The following MED16 variants were observed in gnomAD, a reference collection of about 807,000 sequenced individuals.
The protein encoded by MED16 is mediator complex subunit 16.
MED16 carries 81 observed loss-of-function variants against 84.4 expected under a neutral mutation model. The observed-to-expected ratio is 0.96, with a 90% CI of 0.80 to 1.15. The LOEUF (loss-of-function observed/expected upper bound fraction) is 1.15. Among genes scored for constraint, MED16 ranks in the 50% most tolerant of loss-of-function variants. The probability of loss-of-function intolerance (pLI) is 0.00; values close to 1 mark genes in which losing one functional copy is unlikely to be tolerated. For synonymous variants in MED16, 897 were observed against 552.2 expected, an observed-to-expected ratio of 1.62 and a Z score of -8.76; for missense variants, 1,585 against 1,245.9, an observed-to-expected ratio of 1.27 and a Z score of -4.10.
chr19:876,950 G>T, intron 9 of MED16, 24 bp downstream of exon 9: 1 of 1,511,764 alleles, frequency 6.6e-7, no homozygotes, highest in Non-Finnish European at 9.0e-7. Context: ...CTGCCACGGG[G>T]CCCCACCTGC....
At chr19:879,826 C>CCCCACGTGCCCCAGCAGCT (rs2036373279) in intron 8 of MED16, 111 bp downstream of exon 8, 1 of 990,256 alleles carries the variant, frequency 1.0e-6, no homozygotes, top group Non-Finnish European at 1.5e-6. Flanking sequence ...CCAGGGCCAG[C>CCCCACGTGCCCCAGCAGCT]CCCACGTGCC....
rs559652645 is a variant in MED16 at position 871,138 on chromosome 19, C to G, written c.2214G>C (p.Leu738=). The G allele has an allele frequency of 6.5e-7, 1 of 1,548,198 alleles. No homozygotes were observed. The highest frequency in any genetic ancestry group is 2.0e-5 in the Admixed American group (1 of 50,962). ...SLDWLPASDG[L]VSRLQPKQPL... is the part of the protein sequence containing the mutation. ...GCTGCTTGGGCTGCAGGCGGCTAAC[C>G]AGGCCGTCGCTGGCTGGCAGCCAGT... Residue 738 remains leucine, a synonymous_variant, in exon 13 of 16, where the codon CTG becomes CTC. Transcript: ENST00000325464.
At chr19:884,732 G>GGC (rs2036490506) in intron 6 of MED16, among the ~76,000 whole-genome samples, 171 bp downstream of exon 6, 1 of 152,232 alleles carries the variant, frequency 6.6e-6, no homozygotes, top group Non-Finnish European at 1.5e-5. Context: ...AATGCTGGCA[G>GGC]GCGCGCGGTC....
chr19:877,507 C>A (rs891297714), intron 8 of MED16, among the ~76,000 whole-genome samples: 1 of 152,068 alleles, frequency 6.6e-6, no homozygotes, highest in Non-Finnish European at 1.5e-5. Flanking sequence ...GCTCCTAATA[C>A]GTGCTGTGAG....
intron 11 of MED16, among the ~76,000 whole-genome samples, chr19:872,558 T>TGG (rs1412291887): frequency 1.5e-5 from 2 of 134,692 alleles, no homozygotes; most frequent in Non-Finnish European, 3.1e-5. Context: ...CCGTCCGTGA[T>TGG]GGGCGCGGTG....
At chr19:873,624 C>T (rs776990453) in intron 10 of MED16, 42 bp from the exon 11 acceptor site, 1 of 1,606,662 alleles carries the variant, frequency 6.2e-7, no homozygotes, top group Non-Finnish European at 8.5e-7. Context: ...GCCTCTTGTA[C>T]ACACAGGGTG....
intron 13 of MED16, among the ~76,000 whole-genome samples, chr19:869,198 C>T (rs55639032): frequency 0.19 from 28,170 of 151,954 alleles, 3,030 homozygotes; most frequent in Non-Finnish European, 0.25. Context: ...GGCTTAGAGA[C>T]CCAGTAAAGG....
intron 8 of MED16, among the ~76,000 whole-genome samples, chr19:879,601 G>C (rs1352745725): frequency 8.1e-6 from 1 of 122,912 alleles, no homozygotes; most frequent in Non-Finnish European, 1.6e-5. Context: ...ACCTTCCCGT[G>C]GTTGTCAATG....
At chr19:879,768 A>G (rs867763175) in intron 8 of MED16, among the ~76,000 whole-genome samples, 169 bp downstream of exon 8, 24 of 119,658 alleles carry the variant, frequency 2.0e-4, no homozygotes, top group African/African-American at 3.8e-4. Context: ...CACCAGCCCC[A>G]GCCCCACGTG....
At chr19:884,411 G>A (rs1233249512) in intron 6 of MED16, among the ~76,000 whole-genome samples, 4 of 152,220 alleles carry the variant, frequency 2.6e-5, no homozygotes, top group Admixed American at 6.5e-5. Context: ...AGAGGCTGCT[G>A]GAGAGGTGGG....
Position 877,144 on chromosome 19 carries a change from G to T in MED16, c.1390C>A (p.Pro464Thr). 6.2e-7 allele frequency: 1 copy of T among 1,612,026 alleles called. No individual in the cohort carries two copies. The highest frequency in any genetic ancestry group is 1.1e-5 in the South Asian group (1 of 90,954). The change falls in exon 9 of 16, where the codon CCG (proline) becomes ACG (threonine). Residue 464 changes from proline to threonine, a missense_variant. By Grantham distance (38) the Pro-to-Thr change is conservative. Coordinates refer to ENST00000325464, the MANE Select transcript of MED16 (RefSeq NM_005481.3). ...CGCAGCGCCAGCCCCACCTCCAGCG[G>T]GTGGCCCATGGAAGGTGAGAGGCGG... ...VLRLSPSMGH[P>T]LEVGLALRHL... is the part of the protein sequence containing the mutation.
At position 877,047 on chromosome 19, in the gene MED16, T is replaced by G. The variant is rs1405971362; in HGVS notation, c.1487A>C (p.Gln496Pro). 2 of 1,612,600 alleles carry G rather than the reference T, an allele frequency of 1.2e-6. No individual in the cohort carries two copies. The highest frequency in any genetic ancestry group is 1.7e-5 in the Admixed American group (1 of 60,014). ...YDWWDILLHV[Q>P]PSMVQSLVEK... The stretch of plus-strand genomic sequence containing the variant: ...CACCAGGCTCTGTACCATACTGGGC[T>G]GCACGTGCAGCAGGATGTCCCACCA... Residue 496 changes from glutamine to proline, a missense_variant, in exon 9 of 16, where the codon CAG becomes CCG. Coordinates refer to ENST00000325464, the MANE Select transcript of MED16 (RefSeq NM_005481.3).
In MED16 at chr19:891,172, G is replaced by A. The variant is rs758743265; in HGVS notation, c.-18-23C>T. 7.6e-6 allele frequency: 12 copies of A among 1,588,360 alleles called. No homozygotes were observed. In the Admixed American group the frequency reaches 1.4e-4, roughly 18 times the overall value. ...CTCCTGCGGGAGGGAGGTGTGGTGGGACGTCTATGTTGGCTGAGCACCCAG... is the reference window on the plus strand; with the variant it reads ...CTCCTGCGGGAGGGAGGTGTGGTGGAACGTCTATGTTGGCTGAGCACCCAG... On this transcript the variant is annotated intron_variant, in intron 1 of 15. Transcript: ENST00000325464.
At position 871,178 on chromosome 19, in the gene MED16, A is replaced by AGCAGCTGGCTGG; in HGVS notation, c.2162_2173dup (p.Pro721_Leu724dup). 7 of 1,549,540 alleles carry AGCAGCTGGCTGG rather than the reference A, an allele frequency of 4.5e-6. No individual in the cohort carries two copies. Among genetic ancestry groups the AGCAGCTGGCTGG allele is most frequent in the Non-Finnish European group, 6.1e-6 (7 of 1,146,380 alleles). ...TGGCAGCCAGTCCAGGCTGGGGATA[A>AGCAGCTGGCTGG]GCAGCTGGCTGGGCAGCAGGCAGCA... is the stretch of plus-strand genomic sequence containing the variant. On this transcript the variant is annotated inframe_insertion, in exon 13 of 16. Transcript: ENST00000325464.
At chr19:881,242 CAG>C (rs1358061932) in intron 7 of MED16, among the ~76,000 whole-genome samples, 1 of 152,222 alleles carries the variant, frequency 6.6e-6, no homozygotes, top group African/African-American at 2.4e-5. Flanking sequence ...TGCTGCAGCA[CAG>C]AGAGGACACA....
intron 4 of MED16, among the ~76,000 whole-genome samples, chr19:887,188 A>G (rs567391797): frequency 6.6e-6 from 1 of 152,136 alleles, no homozygotes; most frequent in Admixed American, 6.5e-5. Context: ...TTACAAGTTA[A>G]AAAAAAACAC....
chr19:880,206 G>A (rs963502006), intron 7 of MED16, 58 bp from the exon 8 acceptor site: 47 of 1,491,664 alleles, frequency 3.2e-5, no homozygotes, highest in Middle Eastern at 2.4e-4. Flanking sequence ...CCCGCCGGGG[G>A]AGGGGCCTCC....
chr19:883,056 A>AC (rs1213351057), intron 6 of MED16, among the ~76,000 whole-genome samples: 1 of 152,064 alleles, frequency 6.6e-6, no homozygotes, highest in Admixed American at 6.5e-5. Context: ...TGACGACCAC[A>AC]CCCCCAGCTA....
At position 880,003 on chromosome 19, in the gene MED16, G is replaced by C. The variant is rs563849886; in HGVS notation, c.1287C>G (p.Val429=). The stretch of plus-strand genomic sequence containing the variant: ...ACGATAGCTGCATAGCCTTTAAGTG[G>C]ACGGCGGGGCCCGCGGTGCGGGGGC... ...MKRPRTAGPA[V]HLKAMQLSWT... The change falls in exon 8 of 16, where the codon GTC becomes GTG. Residue 429 remains valine (V), a synonymous_variant. Coordinates refer to ENST00000325464, the MANE Select transcript of MED16 (RefSeq NM_005481.3). 2 of 1,610,016 alleles carry C rather than the reference G, an allele frequency of 1.2e-6. No homozygotes were observed. Among genetic ancestry groups the C allele is most frequent in the Admixed American group, 1.7e-5 (1 of 59,664 alleles).
Sources: allele counts gnomAD v4.1 joint callset (sites outside exome capture counted in the v4.1 genomes callset), GRCh38; gene constraint gnomAD v4.1.1; transcripts MANE v1.5; gene names NCBI Gene and HGNC (gene_info 2026-07-23, HGNC 2026-07-21).